The following RSRC1 variants were observed in gnomAD, a reference collection of about 807,000 sequenced individuals.
The protein encoded by RSRC1 is arginine and serine rich coiled-coil 1.
In RSRC1, 39 loss-of-function variants were observed where a neutral mutation model predicts 49.1. The ratio of observed to expected loss-of-function variants is 0.79; its 90% CI spans 0.61 to 1.04. The LOEUF is 1.04. RSRC1 is among the 50% of genes least tolerant of loss of function. The pLI, the probability that RSRC1 is intolerant of heterozygous loss-of-function variation, is 0.00. For missense variants in RSRC1, 388 were observed against 402.4 expected (o/e 0.96, Z 0.31); for synonymous variants, 143 against 130.8 (o/e 1.09, Z -0.63).
intron 4 of RSRC1, among the ~76,000 whole-genome samples, chr3:158,236,330 G>C (rs1723248688): frequency 6.6e-6 from 1 of 152,076 alleles, no homozygotes; most frequent in Non-Finnish European, 1.5e-5. Flanking sequence ...TAAAATAAAG[G>C]TACGTCTTTA....
At chr3:158,193,539 A>G (rs1015394948) in intron 3 of RSRC1, among the ~76,000 whole-genome samples, 7 of 152,114 alleles carry the variant, frequency 4.6e-5, no homozygotes, top group African/African-American at 1.7e-4. Context: ...ATAATGTGGA[A>G]CCAAATAATG....
At chr3:158,511,665 A>G (rs1024078078) in intron 7 of RSRC1, among the ~76,000 whole-genome samples, 3 of 152,156 alleles carry the variant, frequency 2.0e-5, no homozygotes, top group Non-Finnish European at 2.9e-5. Context: ...GTCAAATGGT[A>G]TTTCTAGTTC....
intron 4 of RSRC1, among the ~76,000 whole-genome samples, chr3:158,287,421 G>A (rs1211960841): frequency 2.6e-5 from 4 of 152,014 alleles, no homozygotes; most frequent in African/African-American, 4.8e-5. Flanking sequence ...GTTTATTTCT[G>A]CTTATAAAAA....
chr3:158,398,285 G>A (rs1012253387), intron 6 of RSRC1, among the ~76,000 whole-genome samples: 1 of 152,034 alleles, frequency 6.6e-6, no homozygotes, highest in African/African-American at 2.4e-5. Flanking sequence ...ACAGTTCCTG[G>A]AGGTCCACGA....
chr3:158,220,892 G>C (rs1044896339), intron 4 of RSRC1, among the ~76,000 whole-genome samples: 1 of 151,500 alleles, frequency 6.6e-6, no homozygotes, highest in Admixed American at 6.6e-5. Context: ...TGCCTTTGCT[G>C]TTAGGGAACC....
rs79548367 is a variant in RSRC1, at chr3:158,383,595, G to T, written c.583+28687G>T. Among the ~76,000 whole-genome samples the T allele has an allele frequency of 5.2e-3, 788 of 152,236 alleles. 13 individuals carry two copies. The highest frequency in any genetic ancestry group is 0.046 in the South Asian group (222 of 4,824). ...CATATACTTTTACTAATAACTCTGT[G>T]TATCTTTAACATGCATACAAAAAGC... is the stretch of plus-strand genomic sequence containing the variant. On this transcript the variant is annotated intron_variant, in intron 6 of 9. Transcript: ENST00000611884.
chr3:158,342,197 C>A (rs555822256), intron 5 of RSRC1, among the ~76,000 whole-genome samples: 1 of 152,106 alleles, frequency 6.6e-6, no homozygotes, highest in Non-Finnish European at 1.5e-5. Context: ...GTTGGGAAGG[C>A]ATGGTTGGCT....
intron 3 of RSRC1, among the ~76,000 whole-genome samples, chr3:158,163,411 A>T (rs1718354892): frequency 6.6e-6 from 1 of 152,196 alleles, no homozygotes. Context: ...TTACAAAGCC[A>T]AGACTTGAAG....
intron 9 of RSRC1, 48 bp downstream of exon 9, chr3:158,543,535 A>G (rs781254629): frequency 1.5e-5 from 23 of 1,545,422 alleles, no homozygotes; most frequent in Middle Eastern, 1.7e-4. Context: ...TAATTTACTG[A>G]AATTATTTCA....
At chr3:158,429,283 C>A (rs1301324712) in intron 6 of RSRC1, among the ~76,000 whole-genome samples, 1 of 151,264 alleles carries the variant, frequency 6.6e-6, no homozygotes, top group Non-Finnish European at 1.5e-5. Context: ...TATTATGCTG[C>A]TGTTAACAAA....
intron 6 of RSRC1, among the ~76,000 whole-genome samples, chr3:158,423,216 C>T (rs1335631762): frequency 7.2e-5 from 11 of 152,162 alleles, no homozygotes; most frequent in South Asian, 2.1e-4. Flanking sequence ...TTAGGTCTAA[C>T]GTTTAAGTCT....
chr3:158,178,046 G>A (rs936967099), intron 3 of RSRC1, among the ~76,000 whole-genome samples: 112 of 152,056 alleles, frequency 7.4e-4, no homozygotes, highest in African/African-American at 2.6e-3. Context: ...CCTTCTTTTT[G>A]TTATCTGTAG....
chr3:158,204,669 A>G (rs560663180), intron 4 of RSRC1, among the ~76,000 whole-genome samples: 1 of 152,322 alleles, frequency 6.6e-6, no homozygotes, highest in East Asian at 1.9e-4. Context: ...ATGCTTAATG[A>G]ATAAAACTTG....
chr3:158,192,331 T>C (rs1273611404), intron 3 of RSRC1, among the ~76,000 whole-genome samples: 1 of 152,102 alleles, frequency 6.6e-6, no homozygotes, highest in Non-Finnish European at 1.5e-5. Flanking sequence ...TTATAGAATA[T>C]ACCAGAATTT....
chr3:158,462,771 T>G, intron 7 of RSRC1, among the ~76,000 whole-genome samples: 1 of 152,086 alleles, frequency 6.6e-6, no homozygotes, highest in East Asian at 1.9e-4. Context: ...TACTTGAACA[T>G]TATAATTCTT....
chr3:158,418,932 T>C (rs1734892721), intron 6 of RSRC1, among the ~76,000 whole-genome samples: 1 of 151,974 alleles, frequency 6.6e-6, no homozygotes, highest in African/African-American at 2.4e-5. Context: ...TTTTCTGTCA[T>C]GAAAACTATT....
chr3:158,177,548 A>T (rs1038666085), intron 3 of RSRC1, among the ~76,000 whole-genome samples: 1 of 152,154 alleles, frequency 6.6e-6, no homozygotes, highest in Non-Finnish European at 1.5e-5. Flanking sequence ...AAGGACAGAA[A>T]ACCAAACACC....
chr3:158,124,365 A>G (rs1715481740), intron 3 of RSRC1, among the ~76,000 whole-genome samples: 2 of 152,036 alleles, frequency 1.3e-5, no homozygotes, highest in African/African-American at 4.8e-5. Context: ...TTCATCAGGG[A>G]CTTATGGCTT....
chr3:158,309,418 A>G (rs561222282), intron 5 of RSRC1, among the ~76,000 whole-genome samples: 3 of 151,876 alleles, frequency 2.0e-5, no homozygotes, highest in South Asian at 4.2e-4. Context: ...TATTGGTCTG[A>G]TTTTCTATTT....
Sources: gnomAD v4.1 joint callset for allele counts (sites outside exome capture counted in the v4.1 genomes callset) on GRCh38, gnomAD v4.1.1 for gene constraint, MANE v1.5 for transcripts, NCBI Gene and HGNC (gene_info 2026-07-23, HGNC 2026-07-21) for gene names.